LSS: variants seen among roughly 807,000 people sequenced by gnomAD.
The protein encoded by LSS is lanosterol synthase.
LSS carries 90 observed loss-of-function variants against 110.3 expected under a neutral mutation model. That is an observed-to-expected ratio of 0.82 (90% CI 0.69 to 0.97). The LOEUF (loss-of-function observed/expected upper bound fraction) is 0.97, where lower values mean the gene tolerates loss of function less well. Among genes scored for constraint, LSS ranks in the 50% least tolerant of loss-of-function variants. The pLI is 0.00. For missense variants in LSS, 927 were observed against 990.0 expected, an observed-to-expected ratio of 0.94 and a Z score of 0.85; for synonymous variants, 433 against 400.0, an observed-to-expected ratio of 1.08 and a Z score of -0.98.
At position 46,221,852 on chromosome 21, in the gene LSS, A is replaced by G; in HGVS notation, c.550+2T>C. ...GCCCAGCACATGCTGCACATGCCGT[A>G]CCTTTCTTGTGAAGAATGTTCCGGG... On this transcript the variant is annotated splice_donor_variant, in intron 5 of 21. Coordinates refer to ENST00000397728, the MANE Select transcript of LSS (RefSeq NM_002340.6). LOFTEE classifies it high-confidence loss of function. The G allele has an allele frequency of 1.2e-6, 2 of 1,614,068 alleles. No individual in the cohort carries two copies. The highest frequency in any genetic ancestry group is 1.1e-5 in the South Asian group (1 of 91,074).
At chr21:46,228,356 T>C in intron 2 of LSS, 78 bp downstream of exon 2, 1 of 1,516,870 alleles carries the variant, frequency 6.6e-7, no homozygotes, top group Non-Finnish European at 8.8e-7. Context: ...CCCACCCGCC[T>C]TTCTGAGAGA....
At chr21:46,195,651 C>T (rs755867217) in intron 19 of LSS, 25 bp downstream of exon 19, 2 of 1,605,202 alleles carry the variant, frequency 1.2e-6, no homozygotes, top group South Asian at 2.2e-5. Flanking sequence ...AACCCCCACC[C>T]ACCAGAGGAC....
At chr21:46,220,921 G>GGAGGTAGCCAGGCCAGGGCTTGGA (rs2123756325) in intron 5 of LSS, among the ~76,000 whole-genome samples, 1 of 135,002 alleles carries the variant, frequency 7.4e-6, no homozygotes, top group African/African-American at 2.8e-5. Flanking sequence ...CAGGGCTTGG[G>GGAGGTAGCCAGGCCAGGGCTTGGA]GAGGTAGCCA....
chr21:46,218,009 G>A (rs889688458), intron 6 of LSS, among the ~76,000 whole-genome samples: 1 of 152,040 alleles, frequency 6.6e-6, no homozygotes, highest in South Asian at 2.1e-4. Context: ...ACTGGCTTCC[G>A]GGGTTAAGCC....
At chr21:46,215,124 A>G in intron 9 of LSS, 56 bp downstream of exon 9, 1 of 1,459,982 alleles carries the variant, frequency 6.8e-7, no homozygotes, top group East Asian at 2.3e-5. Context: ...CTAGGACTTC[A>G]CTTTCGGACC....
intron 14 of LSS, 29 bp downstream of exon 14, chr21:46,208,222 G>C: frequency 6.4e-7 from 1 of 1,550,744 alleles, no homozygotes. Flanking sequence ...CTGGGGGACG[G>C]GACAGGGATG....
chr21:46,219,818 G>A (rs1272603625), intron 5 of LSS, among the ~76,000 whole-genome samples: 1 of 152,204 alleles, frequency 6.6e-6, no homozygotes, highest in Non-Finnish European at 1.5e-5. Context: ...TCCAGCCCCA[G>A]GAGAGGTGTT....
At chr21:46,225,755 G>A (rs2080331664) in intron 3 of LSS, among the ~76,000 whole-genome samples, 1 of 152,162 alleles carries the variant, frequency 6.6e-6, no homozygotes, top group Non-Finnish European at 1.5e-5. Flanking sequence ...AGGCAGGGAA[G>A]AGCCCACTGT....
rs950199510 is a variant in LSS, at chr21:46,189,233, G to A, written c.*1871C>T. On this transcript the variant is annotated 3_prime_UTR_variant, in exon 22 of 22. Transcript: ENST00000397728. ...ATTTACATTTCATTTCTGGAAAACC[G>A]TTTTGTACAGTCTGACCATGGCTAG... is the stretch of plus-strand genomic sequence containing the variant. 41 of 225,888 alleles carry A rather than the reference G, an allele frequency of 1.8e-4. No homozygotes were observed. The highest frequency in any genetic ancestry group is 8.3e-4 in the Admixed American group (16 of 19,200). 14.0% of individuals were successfully genotyped at this position (225,888 alleles called of 1,614,324 possible).
At chr21:46,224,999 C>T (rs556313396) in intron 3 of LSS, among the ~76,000 whole-genome samples, 117 of 152,228 alleles carry the variant, frequency 7.7e-4, no homozygotes, top group Non-Finnish European at 1.3e-3. Flanking sequence ...GGCTGTAATC[C>T]CAGCTACTCG....
In LSS at chr21:46,218,795, G is replaced by A. The variant is rs766888035; in HGVS notation, c.647+681C>T. 7.4e-4 allele frequency among the ~76,000 whole-genome samples: 110 copies of A among 148,320 alleles called. 1 individual carries two copies. The highest frequency in any genetic ancestry group is 3.3e-3 in the Middle Eastern group (1 of 300). ...GGCTGGAATATGGTGGCACGATCTC[G>A]GCTCACGGTAACCTCTGCCTCCCAG... On this transcript the variant is annotated intron_variant, in intron 6 of 21. Transcript: ENST00000397728.
chr21:46,202,263 G>A (rs1435535756), intron 17 of LSS, among the ~76,000 whole-genome samples: 3 of 143,490 alleles, frequency 2.1e-5, no homozygotes, highest in East Asian at 2.1e-4. Context: ...GCGTAGTGGC[G>A]GGCGCCTGTA....
intron 12 of LSS, among the ~76,000 whole-genome samples, chr21:46,210,288 G>A (rs1405281423): frequency 6.6e-6 from 1 of 151,886 alleles, no homozygotes; most frequent in African/African-American, 2.4e-5. Context: ...GGCTGGTCTT[G>A]AACTCCTGAC....
At chr21:46,205,659 G>A (rs1324610890) in intron 17 of LSS, among the ~76,000 whole-genome samples, 177 bp downstream of exon 17, 1 of 152,230 alleles carries the variant, frequency 6.6e-6, no homozygotes, top group Non-Finnish European at 1.5e-5. Flanking sequence ...GCCCCTAACA[G>A]ATATTTTGTA....
chr21:46,227,823 CAA>C, intron 2 of LSS, 133 bp from the exon 3 acceptor site: 3 of 1,051,058 alleles, frequency 2.9e-6, no homozygotes, highest in Non-Finnish European at 4.1e-6. Context: ...CTGTTTCCAT[CAA>C]AAGTCTGAAA....
At chr21:46,227,213 A>G in intron 3 of LSS, 1 of 256,422 alleles carries the variant, frequency 3.9e-6, no homozygotes, top group Non-Finnish European at 7.5e-6. Context: ...CTGCCCACCT[A>G]CAGCCCCTTG....
In LSS at chr21:46,189,459, T is replaced by A. The variant is rs148135994; in HGVS notation, c.*1645A>T. 1,262 of 344,890 alleles carry A rather than the reference T, an allele frequency of 3.7e-3. 9 individuals are homozygous for A. The highest frequency in any genetic ancestry group is 0.025 in the African/African-American group (1,137 of 46,280). The allele number at this position is 344,890 out of a possible 1,614,324, so 21.4% of individuals were successfully genotyped here. On this transcript the variant is annotated 3_prime_UTR_variant, in exon 22 of 22. Transcript: ENST00000397728. ...AAGATGTGCAGGGAAGTGTTGACAC[T>A]GAACAGGCAGCTGACCAAGCCCTGC... is the stretch of plus-strand genomic sequence containing the variant.
At chr21:46,221,323 GAAAC>G (rs2080277102) in intron 5 of LSS, among the ~76,000 whole-genome samples, 1 of 149,654 alleles carries the variant, frequency 6.7e-6, no homozygotes, top group African/African-American at 2.5e-5. Flanking sequence ...GCCAATTCAG[GAAAC>G]AAACAGAATT....
rs1375652504 is a variant in LSS, at chr21:46,216,991, A to T, written c.648-467T>A. Among the ~76,000 whole-genome samples the T allele has an allele frequency of 3.9e-5, 6 of 152,174 alleles. No homozygotes were observed. The highest frequency in any genetic ancestry group is 7.4e-5 in the Non-Finnish European group (5 of 68,022). On this transcript the variant is annotated intron_variant, in intron 6 of 21. Transcript: ENST00000397728. The surrounding 1 kb of genome is among the most constrained non-coding windows in gnomAD (Gnocchi z 4.2). ...GAGGGGCACGGTGGCTCACGCCTGT[A>T]ACCCTAGCACTTTGGGAGGCCGAGG...
Sources: gnomAD v4.1 joint callset for allele counts (sites outside exome capture counted in the v4.1 genomes callset) on GRCh38, gnomAD v4.1.1 for gene constraint, Gnocchi (gnomAD v3.1) non-coding constraint, MANE v1.5 for transcripts, NCBI Gene and HGNC (gene_info 2026-07-23, HGNC 2026-07-21) for gene names.